The following BCL2 variants were observed in gnomAD, a reference collection of about 807,000 sequenced individuals.
BCL2 encodes apoptosis regulator Bcl-2.
A neutral mutation model predicts 14.2 loss-of-function variants in BCL2; 1 was observed. That is an observed-to-expected ratio of 0.07 (90% CI 0.02 to 0.33). The LOEUF (loss-of-function observed/expected upper bound fraction) is 0.33, where lower values mean the gene tolerates loss of function less well. Ranked by LOEUF, BCL2 falls within the 10% of genes least tolerant of loss-of-function variation. BCL2 has a pLI of 0.99. For synonymous variants in BCL2, 151 were observed against 137.2 expected (o/e 1.10, Z -0.70); for missense variants, 247 against 305.9 (o/e 0.81, Z 1.44).
chr18:63,194,370 A>G (rs1389874607), intron 2 of BCL2, among the ~76,000 whole-genome samples: 2 of 146,640 alleles, frequency 1.4e-5, no homozygotes, highest in Admixed American at 1.4e-4. Flanking sequence ...GTCTCACTCT[A>G]TTGTCCAGGC....
intron 2 of BCL2, among the ~76,000 whole-genome samples, chr18:63,183,911 T>A (rs963984726): frequency 6.6e-6 from 1 of 152,126 alleles, no homozygotes; most frequent in Non-Finnish European, 1.5e-5. Context: ...TTTGAGTGTA[T>A]CTTAAGGCAG....
At chr18:63,183,609 A>G (rs1915526418) in intron 2 of BCL2, among the ~76,000 whole-genome samples, 1 of 152,088 alleles carries the variant, frequency 6.6e-6, no homozygotes, top group African/African-American at 2.4e-5. Context: ...CAAGAAGTAA[A>G]CCAATTCTGA....
At position 63,279,338 on chromosome 18, in the gene BCL2, A is replaced by G. The variant is rs1007524490; in HGVS notation, c.585+38744T>C. On this transcript the variant is annotated intron_variant, in intron 2 of 2. Transcript: ENST00000333681. ...CCAGAAGCTGCAAAGAACTCCTACA[A>G]ATTCATAAGAAATAGAAAACAGTTG... Among the ~76,000 whole-genome samples the G allele has an allele frequency of 1.1e-4, 17 of 152,388 alleles. No individual in the cohort carries two copies. In the East Asian group the frequency reaches 3.1e-3, roughly 28 times the overall value.
In BCL2 at chr18:63,187,764, T is replaced by C. The variant is rs375950185; in HGVS notation, c.586-59005A>G. ...GGGTACACGTGGAGCTGTGGAAATCTCTAAAATCAAAACCAGGCCAGGCTT... is the reference window on the plus strand; with the variant it reads ...GGGTACACGTGGAGCTGTGGAAATCCCTAAAATCAAAACCAGGCCAGGCTT... On this transcript the variant is annotated intron_variant, in intron 2 of 2. Coordinates refer to ENST00000333681, the MANE Select transcript of BCL2 (RefSeq NM_000633.3). Among the ~76,000 whole-genome samples the C allele has an allele frequency of 2.6e-5, 4 of 152,276 alleles. No individual in the cohort carries two copies. In the East Asian group the frequency reaches 7.7e-4, roughly 29 times the overall value.
chr18:63,238,849 C>A (rs773352430), intron 2 of BCL2, among the ~76,000 whole-genome samples: 2 of 152,182 alleles, frequency 1.3e-5, no homozygotes, highest in Non-Finnish European at 2.9e-5. Context: ...ATTGTGTGTT[C>A]TCTTTTGTCT....
At chr18:63,198,844 TAG>T (rs1909572261) in intron 2 of BCL2, among the ~76,000 whole-genome samples, 1 of 3,342 alleles carries the variant, frequency 3.0e-4, no homozygotes, top group Non-Finnish European at 6.6e-4. Flanking sequence ...CAGACACACA[TAG>T]ACACAGAGAC....
chr18:63,290,381 GA>G lies in BCL2; in HGVS notation c.585+27700del, dbSNP rs113622230. Among the ~76,000 whole-genome samples, 7 of 150,618 alleles carry G rather than the reference GA, an allele frequency of 4.6e-5. 1 individual carries two copies. Among genetic ancestry groups the G allele is most frequent in the Middle Eastern group, 6.9e-3 (2 of 290 alleles). On this transcript the variant is annotated intron_variant, in intron 2 of 2. Transcript: ENST00000333681. ...AAAAGGTCCCGCACAAGAGAATCAGGAAAAAAAAAGTGAGACAATGAGTCAA... is the reference window on the plus strand; with the variant it reads ...AAAAGGTCCCGCACAAGAGAATCAGGAAAAAAAAGTGAGACAATGAGTCAA...
intron 2 of BCL2, among the ~76,000 whole-genome samples, chr18:63,183,450 G>T (rs1174942855): frequency 6.6e-6 from 1 of 152,204 alleles, no homozygotes; most frequent in Non-Finnish European, 1.5e-5. Flanking sequence ...TGGGACACAG[G>T]ACTTGCTCTC....
intron 2 of BCL2, among the ~76,000 whole-genome samples, chr18:63,222,318 A>G (rs2144162457): frequency 6.6e-6 from 1 of 151,800 alleles, no homozygotes; most frequent in South Asian, 2.1e-4. Flanking sequence ...AAGAAAGAAA[A>G]AAGAAACAAA....
intron 2 of BCL2, among the ~76,000 whole-genome samples, chr18:63,192,179 G>A (rs1238731680): frequency 6.6e-6 from 1 of 152,194 alleles, no homozygotes; most frequent in Non-Finnish European, 1.5e-5. Context: ...GTGTTCCAGG[G>A]GAGCCTCTCA....
At chr18:63,270,804 C>T (rs1278000369) in intron 2 of BCL2, among the ~76,000 whole-genome samples, 1 of 152,010 alleles carries the variant, frequency 6.6e-6, no homozygotes, top group Non-Finnish European at 1.5e-5. Flanking sequence ...TATGTATTAT[C>T]ATTTAATAAG....
At chr18:63,166,384 C>T (rs1250514306) in intron 2 of BCL2, among the ~76,000 whole-genome samples, 1 of 152,116 alleles carries the variant, frequency 6.6e-6, no homozygotes, top group African/African-American at 2.4e-5. Context: ...GCAGGGACGG[C>T]GTCCCTGGAC....
intron 2 of BCL2, among the ~76,000 whole-genome samples, chr18:63,273,259 A>C (rs942905697): frequency 6.6e-6 from 1 of 152,240 alleles, no homozygotes; most frequent in African/African-American, 2.4e-5. Context: ...TGGAAAATGC[A>C]TCATACAAAC....
rs1208924867 is a variant in BCL2, at chr18:63,318,364, G to T, written c.303C>A (p.Gly101=). 6.2e-7 allele frequency: 1 copy of T among 1,605,284 alleles called. No individual in the cohort carries two copies. Among genetic ancestry groups the T allele is most frequent in the African/African-American group, 1.3e-5 (1 of 74,832 alleles). ...GGCGGTAGCGGCGGGAGAAGTCGTC[G>T]CCGGCCTGGCGGAGGGTCAGGTGGA... ...PVVHLTLRQA[G]DDFSRRYRRD... is the part of the protein sequence containing the mutation. The change falls in exon 2 of 3, where the codon GGC becomes GGA. Residue 101 remains glycine (G), a synonymous_variant. Transcript: ENST00000333681. This position sits in a 1 kb window ranked among gnomAD's most constrained non-coding sequence, Gnocchi z 7.4.
chr18:63,248,692 G>A (rs1911220004), intron 2 of BCL2, among the ~76,000 whole-genome samples: 1 of 152,178 alleles, frequency 6.6e-6, no homozygotes, highest in Non-Finnish European at 1.5e-5. Flanking sequence ...AACTGAATCT[G>A]CATCAGTAAT....
chr18:63,169,277 T>C (rs866007442), intron 2 of BCL2, among the ~76,000 whole-genome samples: 2,653 of 69,578 alleles, frequency 0.038, 331 homozygotes, highest in East Asian at 0.13. Flanking sequence ...TCTTTCTTTC[T>C]TTCTTTCTTT....
At chr18:63,241,581 TC>T (rs1394800793) in intron 2 of BCL2, among the ~76,000 whole-genome samples, 1 of 152,176 alleles carries the variant, frequency 6.6e-6, no homozygotes, top group African/African-American at 2.4e-5. Flanking sequence ...TGCTCCCCCA[TC>T]CTGCTGTCCA....
intron 2 of BCL2, among the ~76,000 whole-genome samples, chr18:63,312,177 C>T (rs746687750): frequency 3.2e-4 from 49 of 152,176 alleles, no homozygotes; most frequent in Admixed American, 1.3e-3. Context: ...TATCTAAGCG[C>T]ATTACGGTTT....
intron 2 of BCL2, among the ~76,000 whole-genome samples, chr18:63,180,902 C>G (rs544623973): frequency 6.6e-6 from 1 of 152,232 alleles, no homozygotes. Flanking sequence ...TGGGCTCCCA[C>G]AGACCAACAT....
Sources: allele counts gnomAD v4.1 joint callset (sites outside exome capture counted in the v4.1 genomes callset), GRCh38; gene constraint gnomAD v4.1.1; non-coding constraint Gnocchi (gnomAD v3.1); transcripts MANE v1.5; gene names NCBI Gene and HGNC (gene_info 2026-07-23, HGNC 2026-07-21).